Variants in SPSB1 observed in about 807,000 individuals in gnomAD.
The protein encoded by SPSB1 is splA/ryanodine receptor domain and SOCS box containing 1, also known as SPRY domain-containing SOCS box protein 1.
Under a neutral mutation model 21.2 loss-of-function variants are expected in SPSB1, and 8 were observed. That is an observed-to-expected ratio of 0.38 (90% confidence interval 0.22 to 0.68). The LOEUF (loss-of-function observed/expected upper bound fraction) is 0.68. SPSB1 is among the 30% of genes least tolerant of loss of function. The pLI is 0.53. For synonymous variants in SPSB1, 169 were observed against 161.7 expected (o/e 1.05, Z -0.34); for missense variants, 242 against 377.8 (o/e 0.64, Z 2.98).
chr1:9,355,835 C>A lies in SPSB1; in HGVS notation c.-57C>A. 6.6e-7 allele frequency: 1 copy of A among 1,515,620 alleles called. No individual in the cohort carries two copies. The highest frequency in any genetic ancestry group is 1.3e-5 in the South Asian group (1 of 75,052). 93.9% of individuals were successfully genotyped at this position (1,515,620 alleles called of 1,614,324 possible). ...CCGATCAGAATACTGGAGACGAGAC[C>A]ACGAGATTGATGAGTTTGCCTTGGG... is the stretch of plus-strand genomic sequence containing the variant. On this transcript the variant is annotated 5_prime_UTR_variant, in exon 2 of 3. Transcript: ENST00000328089.
chr1:9,354,495 T>A (rs1640329668), intron 1 of SPSB1, among the ~76,000 whole-genome samples: 1 of 151,996 alleles, frequency 6.6e-6, no homozygotes. Flanking sequence ...GAAAGAAACT[T>A]CTCTCTTGAA....
chr1:9,306,922 CTT>C (rs148338920), intron 1 of SPSB1, among the ~76,000 whole-genome samples: 68,620 of 132,918 alleles, frequency 0.52, 16,257 homozygotes, highest in East Asian at 0.67. Flanking sequence ...TACTTTTCTT[CTT>C]TTCTTCTTTT....
intron 1 of SPSB1, among the ~76,000 whole-genome samples, chr1:9,309,847 A>C (rs896695936): frequency 1.3e-5 from 2 of 152,134 alleles, no homozygotes; most frequent in African/African-American, 4.8e-5. Flanking sequence ...GTCTCAAATA[A>C]ATACAGTAGA....
chr1:9,358,226 G>C (rs145137377), intron 2 of SPSB1, among the ~76,000 whole-genome samples: 1 of 152,162 alleles, frequency 6.6e-6, no homozygotes, highest in Non-Finnish European at 1.5e-5. Flanking sequence ...AAGCCTCCCC[G>C]CCCCTCTTTC....
At position 9,324,579 on chromosome 1, in the gene SPSB1, G is replaced by C. The variant is rs1180485020; in HGVS notation, c.-149-31164G>C. Among the ~76,000 whole-genome samples the C allele has an allele frequency of 6.6e-6, 1 of 152,146 alleles. No homozygotes were observed. The highest frequency in any genetic ancestry group is 2.4e-5 in the African/African-American group (1 of 41,404). On this transcript the variant is annotated intron_variant, in intron 1 of 2. Coordinates refer to ENST00000328089, the MANE Select transcript of SPSB1 (RefSeq NM_025106.4). This position sits in a 1 kb window ranked among gnomAD's most constrained non-coding sequence, Gnocchi z 4.3. ...GGAGGGGGAGTCAAGACAAAAGCCT[G>C]GTTGTGCCCTGGGAGAAAACCCAAA...
Position 9,317,051 on chromosome 1 carries a change from T to G in SPSB1, c.-150+23980T>G, listed in dbSNP as rs1372038477. ...ACGGTGGAATTTAGAATCCTTAACC[T>G]GGCCTGTGAGGGTTTGCTTCCGGTG... is the stretch of plus-strand genomic sequence containing the variant. On this transcript the variant is annotated intron_variant, in intron 1 of 2. Transcript: ENST00000328089. The surrounding 1 kb of genome is among the most constrained non-coding windows in gnomAD (Gnocchi z 4.3). Among the ~76,000 whole-genome samples the G allele has an allele frequency of 6.6e-6, 1 of 152,208 alleles. No individual in the cohort carries two copies. The highest frequency in any genetic ancestry group is 1.5e-5 in the Non-Finnish European group (1 of 68,046).
intron 1 of SPSB1, among the ~76,000 whole-genome samples, chr1:9,316,576 G>A (rs567397979): frequency 1.3e-5 from 2 of 152,122 alleles, no homozygotes; most frequent in African/African-American, 4.8e-5. Context: ...TGATCGAAGC[G>A]GGTTCAGGGG....
Position 9,355,974 on chromosome 1 carries a change from G to A in SPSB1, c.83G>A (p.Gly28Asp), listed in dbSNP as rs199751640. 103 of 1,614,062 alleles carry A rather than the reference G, an allele frequency of 6.4e-5. 3 individuals are homozygous for A. The East Asian group carries it at 2.3e-3, about 35-fold the overall frequency. Residue 28 changes from glycine to aspartate, a missense_variant, in exon 2 of 3, where the codon GGT (glycine) becomes GAT (aspartate). Gly to Asp is a moderately conservative substitution (Grantham distance 94). Transcript: ENST00000328089. ...TYRPLKQELQ[G>D]LDYCKPTRLD... is the part of the protein sequence containing the mutation. ...AGGCCCCTGAAGCAGGAGCTCCAGG[G>A]TCTGGATTACTGCAAGCCCACCCGG...
At chr1:9,332,428 T>G (rs775168600) in intron 1 of SPSB1, among the ~76,000 whole-genome samples, 6 of 152,062 alleles carry the variant, frequency 3.9e-5, no homozygotes, top group Non-Finnish European at 1.5e-5. Flanking sequence ...AACTAGAGGT[T>G]GATGATAGAA....
chr1:9,352,387 A>G (rs2100511775), intron 1 of SPSB1, among the ~76,000 whole-genome samples: 1 of 152,274 alleles, frequency 6.6e-6, no homozygotes, highest in Non-Finnish European at 1.5e-5. Flanking sequence ...GAGACGATGC[A>G]GGGCCCTGTC....
intron 1 of SPSB1, among the ~76,000 whole-genome samples, chr1:9,331,445 C>A (rs947229087): frequency 2.7e-5 from 4 of 150,882 alleles, no homozygotes; most frequent in African/African-American, 9.8e-5. Context: ...ATTCTCCTGC[C>A]TCTGCCTCCT....
intron 1 of SPSB1, among the ~76,000 whole-genome samples, chr1:9,300,346 G>T (rs189314205): frequency 3.3e-5 from 5 of 152,306 alleles, no homozygotes; most frequent in Admixed American, 6.5e-5. Context: ...TTTGAGTGGG[G>T]CCCGTAGCAG....
chr1:9,310,484 G>A (rs1464261381), intron 1 of SPSB1, among the ~76,000 whole-genome samples: 1 of 152,118 alleles, frequency 6.6e-6, no homozygotes, highest in Non-Finnish European at 1.5e-5. Context: ...CTTGAGGCCT[G>A]GAGTTCCTGA....
Position 9,317,225 on chromosome 1 carries a change from A to T in SPSB1, c.-150+24154A>T, listed in dbSNP as rs1283567805. On this transcript the variant is annotated intron_variant, in intron 1 of 2. Transcript: ENST00000328089. This position sits in a 1 kb window ranked among gnomAD's most constrained non-coding sequence, Gnocchi z 4.3. The stretch of plus-strand genomic sequence containing the variant: ...CTGGGAAGGCTTCCTGGAGGAGGTG[A>T]TGCTGAAACTGGGCCTTGGGATGTG... Among the ~76,000 whole-genome samples, 2 of 152,164 alleles carry T rather than the reference A, an allele frequency of 1.3e-5. No homozygotes were observed. The highest frequency in any genetic ancestry group is 2.4e-5 in the African/African-American group (1 of 41,434).
At chr1:9,360,555 G>C (rs756571750) in intron 2 of SPSB1, among the ~76,000 whole-genome samples, 12 of 152,144 alleles carry the variant, frequency 7.9e-5, no homozygotes, top group Non-Finnish European at 1.6e-4. Flanking sequence ...GAGCTCTGAG[G>C]GGGAGCCCGC....
At position 9,355,328 on chromosome 1, in the gene SPSB1, C is replaced by T. The variant is rs182869855; in HGVS notation, c.-149-415C>T. 4.1e-4 allele frequency among the ~76,000 whole-genome samples: 63 copies of T among 152,332 alleles called. 1 individual carries two copies. Among genetic ancestry groups the T allele is most frequent in the African/African-American group, 1.4e-3 (57 of 41,562 alleles). On this transcript the variant is annotated intron_variant, in intron 1 of 2. Coordinates refer to ENST00000328089, the MANE Select transcript of SPSB1 (RefSeq NM_025106.4). ...CTGGGGCTCCACTTCCCCTCTGAAC[C>T]GCAAGGCAAGGGCCATGCACCTCCC...
At chr1:9,360,859 A>C (rs1640460248) in intron 2 of SPSB1, among the ~76,000 whole-genome samples, 1 of 152,206 alleles carries the variant, frequency 6.6e-6, no homozygotes, top group Non-Finnish European at 1.5e-5. Flanking sequence ...CCCGCTTCAG[A>C]TGTGGAGGCA....
At chr1:9,326,115 G>A (rs145135271) in intron 1 of SPSB1, among the ~76,000 whole-genome samples, 2 of 151,960 alleles carry the variant, frequency 1.3e-5, no homozygotes, top group Non-Finnish European at 2.9e-5. Flanking sequence ...CTGCCGACAC[G>A]TGGGGAGGTC....
intron 1 of SPSB1, among the ~76,000 whole-genome samples, chr1:9,297,295 A>G (rs1378678034): frequency 6.6e-6 from 1 of 152,202 alleles, no homozygotes; most frequent in Non-Finnish European, 1.5e-5. Context: ...GATGAAGAAA[A>G]TATCAGGATG....
Sources: allele counts gnomAD v4.1 joint callset (sites outside exome capture counted in the v4.1 genomes callset), GRCh38; gene constraint gnomAD v4.1.1; non-coding constraint Gnocchi (gnomAD v3.1); transcripts MANE v1.5; gene names NCBI Gene and HGNC (gene_info 2026-07-23, HGNC 2026-07-21).